The following CERS5 variants were observed in gnomAD, a reference collection of about 807,000 sequenced individuals.
CERS5 encodes LAG1 homolog, ceramide synthase 5.
In CERS5, 37 loss-of-function variants were observed where a neutral mutation model predicts 58.9. The observed-to-expected ratio is 0.63, with a 90% CI of 0.48 to 0.83. The LOEUF (loss-of-function observed/expected upper bound fraction) is 0.83, where lower values mean the gene tolerates loss of function less well. Ranked by LOEUF, CERS5 falls within the 40% of genes least tolerant of loss-of-function variation. The pLI is 0.00. For missense variants in CERS5, 398 were observed against 489.3 expected, an observed-to-expected ratio of 0.81 and a Z score of 1.76; for synonymous variants, 147 against 177.8, an observed-to-expected ratio of 0.83 and a Z score of 1.38.
At chr12:50,155,736 CAA>C (rs146913126) in intron 1 of CERS5, among the ~76,000 whole-genome samples, 8 of 21,478 alleles carry the variant, frequency 3.7e-4, no homozygotes, top group African/African-American at 1.4e-3. Flanking sequence ...GACTCCATCT[CAA>C]AAAAAAAAAA....
intron 1 of CERS5, among the ~76,000 whole-genome samples, chr12:50,159,309 C>T (rs535959018): frequency 2.6e-5 from 4 of 151,850 alleles, no homozygotes; most frequent in Non-Finnish European, 4.4e-5. Context: ...CGACACAGGG[C>T]GAGACTCTGT....
chr12:50,142,433 C>T (rs1952020184), intron 3 of CERS5, among the ~76,000 whole-genome samples: 1 of 151,698 alleles, frequency 6.6e-6, no homozygotes, highest in Non-Finnish European at 1.5e-5. Flanking sequence ...ACCTGTAGTC[C>T]CAGCTACTCA....
intron 3 of CERS5, 139 bp from the exon 4 acceptor site, chr12:50,142,249 G>A: frequency 3.2e-6 from 2 of 623,926 alleles, no homozygotes; most frequent in Non-Finnish European, 5.7e-6. Flanking sequence ...GGCAACTACT[G>A]TCATTTAAAA....
intron 4 of CERS5, among the ~76,000 whole-genome samples, chr12:50,139,602 C>T (rs921432623): frequency 2.6e-5 from 4 of 151,974 alleles, no homozygotes; most frequent in East Asian, 1.9e-4. Flanking sequence ...AAGATTAGCC[C>T]GGCAACATGA....
Position 50,134,690 on chromosome 12 carries a change from C to T in CERS5, c.885G>A (p.Thr295=), listed in dbSNP as rs777117753. ...TTATCTCCCAACTCTCAAAGAGGGTCGTGTTCAGAATCCTAGAAGAGGGAG... is the reference window on the plus strand; with the variant it reads ...TTATCTCCCAACTCTCAAAGAGGGTTGTGTTCAGAATCCTAGAAGAGGGAG... ...LGIYPFWILN[T]TLFESWEIIG... The change falls in exon 9 of 10, where the codon ACG becomes ACA. Residue 295 remains threonine, a synonymous_variant. Coordinates refer to ENST00000317551, the MANE Select transcript of CERS5 (RefSeq NM_147190.5). 9.2e-5 allele frequency: 149 copies of T among 1,613,558 alleles called. No homozygotes were observed. Among genetic ancestry groups the T allele is most frequent in the Non-Finnish European group, 1.2e-4 (137 of 1,179,768 alleles).
intron 1 of CERS5, among the ~76,000 whole-genome samples, chr12:50,147,011 T>C (rs1952318786): frequency 6.6e-6 from 1 of 152,208 alleles, no homozygotes; most frequent in Non-Finnish European, 1.5e-5. Context: ...AGTTAATGAA[T>C]TACCTTACTG....
chr12:50,163,676 C>T (rs2138295614), intron 1 of CERS5, among the ~76,000 whole-genome samples: 1 of 152,226 alleles, frequency 6.6e-6, no homozygotes, highest in South Asian at 2.1e-4. Flanking sequence ...GACAGGGTCT[C>T]ACTCTATCAC....
intron 1 of CERS5, among the ~76,000 whole-genome samples, chr12:50,149,873 G>A (rs1463116307): frequency 1.3e-5 from 2 of 152,136 alleles, no homozygotes; most frequent in African/African-American, 2.4e-5. Context: ...CCAAGTAGTA[G>A]CTGGGACTAC....
At chr12:50,155,659 C>T (rs1938487352) in intron 1 of CERS5, among the ~76,000 whole-genome samples, 1 of 139,682 alleles carries the variant, frequency 7.2e-6, no homozygotes, top group Admixed American at 8.0e-5. Flanking sequence ...ATGGCGTGAA[C>T]CCGGGAGGCA....
chr12:50,164,594 T>C (rs1159742118), intron 1 of CERS5, among the ~76,000 whole-genome samples: 1 of 152,166 alleles, frequency 6.6e-6, no homozygotes, highest in African/African-American at 2.4e-5. Flanking sequence ...AGAGCAAACA[T>C]GAGACAAACA....
rs186042100 is a variant in CERS5, at chr12:50,164,768, C to A, written c.197+2333G>T. The stretch of plus-strand genomic sequence containing the variant: ...AGCAGCTCTGCCAGGGGATATATGT[C>A]TTCAGCCATCTGAGGGAACACTTTG... On this transcript the variant is annotated intron_variant, in intron 1 of 9. Transcript: ENST00000317551. 2.0e-5 allele frequency among the ~76,000 whole-genome samples: 3 copies of A among 152,280 alleles called. No homozygotes were observed. In the East Asian group the frequency reaches 5.8e-4, roughly 29 times the overall value.
Position 50,165,418 on chromosome 12 carries a change from C to CA in CERS5, c.197+1682dup, listed in dbSNP as rs528408998. ...TGGGCGACAGAGCGAGACTCCGTCTCAAAAAAAAAAGAAAAAGAAAAAGAA... is the reference window on the plus strand; with the variant it reads ...TGGGCGACAGAGCGAGACTCCGTCTCAAAAAAAAAAAGAAAAAGAAAAAGAA... On this transcript the variant is annotated intron_variant, in intron 1 of 9. Coordinates refer to ENST00000317551, the MANE Select transcript of CERS5 (RefSeq NM_147190.5). 258 of 98,132 alleles carry CA rather than the reference C, an allele frequency of 2.6e-3. 1 individual carries two copies. The highest frequency in any genetic ancestry group is 9.9e-3 in the Middle Eastern group (2 of 202). The allele number at this position is 98,132 out of a possible 1,614,324, so 6.1% of individuals were successfully genotyped here.
rs770076644 is a variant in CERS5, at chr12:50,167,319, C to T, written c.-22G>A. On this transcript the variant is annotated 5_prime_UTR_variant, in exon 1 of 10. In the 5' UTR this introduces an upstream ATG that the reference lacks. Coordinates refer to ENST00000317551, the MANE Select transcript of CERS5 (RefSeq NM_147190.5). ...CCATCTTACGCCCACCCCGAAGCCA[C>T]CGCCGCCACAAGCGTCAGCTGCCGC... The T allele has an allele frequency of 3.4e-6, 5 of 1,466,264 alleles. No individual in the cohort carries two copies. Among genetic ancestry groups the T allele is most frequent in the Non-Finnish European group, 4.5e-6 (5 of 1,116,480 alleles). The allele number at this position is 1,466,264 out of a possible 1,614,324, so 90.8% of individuals were successfully genotyped here. A position where few individuals can be genotyped will look rare whatever the true frequency, so the allele number is the denominator to read the frequency against.
chr12:50,142,057 C>A lies in CERS5; in HGVS notation c.488G>T (p.Trp163Leu), dbSNP rs146787766. Residue 163 changes from tryptophan to leucine, a missense_variant, in exon 4 of 10, where the codon TGG (tryptophan) becomes TTG (leucine). This residue lies in a region of CERS5 where 328 missense variants were observed against 384.5 expected (regional missense o/e 0.85). Transcript: ENST00000317551. Reference protein sequence around the residue: ...CIFCYGIRFLWSSPWFWDIRQ... With the variant: ...CIFCYGIRFLLSSPWFWDIRQ... Reference sequence around the variant, plus strand: ...CTAGAGAAAGTTAAGACTCACCGACCAGAGAAATCTAATTCCATAGCAGAA... The same window carrying A: ...CTAGAGAAAGTTAAGACTCACCGACAAGAGAAATCTAATTCCATAGCAGAA... The A allele has an allele frequency of 4.0e-4, 643 of 1,594,144 alleles. 2 individuals carry two copies. In the Middle Eastern group the frequency reaches 5.5e-3, roughly 14 times the overall value.
At chr12:50,135,231 C>T (rs114639900) in intron 8 of CERS5, among the ~76,000 whole-genome samples, 11,971 of 35,180 alleles carry the variant, frequency 0.34, 2,658 homozygotes, top group East Asian at 0.78. Context: ...GAGAGGAGGA[C>T]AGGGAGGGAG....
At chr12:50,137,653 C>A in intron 6 of CERS5, 75 bp downstream of exon 6, 3 of 801,250 alleles carry the variant, frequency 3.7e-6, no homozygotes, top group Non-Finnish European at 4.3e-6. Flanking sequence ...GATAATACAT[C>A]GTAATGGCAG....
intron 5 of CERS5, among the ~76,000 whole-genome samples, chr12:50,138,099 C>G (rs1951782144): frequency 6.6e-6 from 1 of 152,146 alleles, no homozygotes; most frequent in South Asian, 2.1e-4. Context: ...GTCTAGGATT[C>G]TGGGCAATTA....
chr12:50,157,436 A>G, intron 1 of CERS5, among the ~76,000 whole-genome samples: 1 of 151,744 alleles, frequency 6.6e-6, no homozygotes, highest in Admixed American at 6.6e-5. Context: ...TAGGTTTCAG[A>G]GTGATTCATT....
At chr12:50,130,785 G>A (rs1003523779) in intron 9 of CERS5, 91 bp from the exon 10 acceptor site, 1 of 1,203,848 alleles carries the variant, frequency 8.3e-7, no homozygotes, top group Non-Finnish European at 1.2e-6. Flanking sequence ...TGTGTTCCCA[G>A]TCTGGTCTGC....
Sources: gnomAD v4.1 joint callset for allele counts (sites outside exome capture counted in the v4.1 genomes callset) on GRCh38, gnomAD v4.1.1 for gene constraint, gnomAD v4.1.1 regional missense constraint, MANE v1.5 for transcripts, NCBI Gene and HGNC (gene_info 2026-07-23, HGNC 2026-07-21) for gene names.